BDNF: variants seen among roughly 807,000 people sequenced by gnomAD.
BDNF encodes the protein neurotrophic factor BDNF precursor form.
Under a neutral mutation model 19.5 loss-of-function variants are expected in BDNF, and 1 was observed. The ratio of observed to expected loss-of-function variants is 0.05; its 90% CI spans 0.02 to 0.24. The LOEUF is 0.24. BDNF is among the 10% of genes least tolerant of loss of function. The probability of loss-of-function intolerance (pLI) is 1.00; values close to 1 mark genes in which losing one functional copy is unlikely to be tolerated. For synonymous variants in BDNF, 100 were observed against 121.6 expected (o/e 0.82, Z 1.17); for missense variants, 195 against 317.6 (o/e 0.61, Z 2.93).
At chr11:27,701,760 ATCTTTT>A, upstream of BDNF, 1 of 342,542 alleles carries the variant, frequency 2.9e-6, no homozygotes, top group Non-Finnish European at 4.1e-6. Context: ...AAAATGATAC[ATCTTTT>A]ATTAGAAGAG....
At chr11:27,680,918 CAG>C (rs1856761109) in intron 1 of BDNF, among the ~76,000 whole-genome samples, 1 of 152,140 alleles carries the variant, frequency 6.6e-6, no homozygotes, top group East Asian at 1.9e-4. Flanking sequence ...AATCAAAATA[CAG>C]GGTCAGCCTC....
intron 1 of BDNF, among the ~76,000 whole-genome samples, chr11:27,718,991 C>T (rs2134116437): frequency 6.6e-6 from 1 of 152,232 alleles, no homozygotes; most frequent in South Asian, 2.1e-4. Flanking sequence ...GAACAAAAGG[C>T]CTGAGAAGGG....
chr11:27,701,336 C>T, upstream of BDNF: 2 of 1,094,220 alleles, frequency 1.8e-6, no homozygotes, highest in Non-Finnish European at 2.2e-6. Flanking sequence ...ATCAAGGCAG[C>T]TGCTCCGGGA....
chr11:27,709,225 G>A (rs545211962), intron 1 of BDNF, among the ~76,000 whole-genome samples: 7 of 152,128 alleles, frequency 4.6e-5, no homozygotes, highest in South Asian at 2.1e-4. Flanking sequence ...GAATTTTGTC[G>A]CTGAAAATCA....
Position 27,719,477 on chromosome 11 carries a change from C to T in BDNF, c.3+1935G>A, listed in dbSNP as rs914242698. On this transcript the variant is annotated intron_variant, in intron 1 of 1. Coordinates refer to the BDNF transcript ENST00000314915. ...GACCTTCTACTCCCAGGCGGAGGCT[C>T]CCCTTTCCCTGAGTTACCCCGACTG... 1.7e-5 allele frequency: 17 copies of T among 985,402 alleles called. No homozygotes were observed. In the Admixed American group the frequency reaches 2.5e-4, roughly 14 times the overall value. 61.0% of individuals were successfully genotyped at this position (985,402 alleles called of 1,614,324 possible).
At position 27,700,154 on chromosome 11, in the gene BDNF, G is replaced by T. The variant is rs1859735143; in HGVS notation, c.-22+10C>A. 3.0e-6 allele frequency: 3 copies of T among 985,790 alleles called. No individual in the cohort carries two copies. The highest frequency in any genetic ancestry group is 3.6e-6 in the Non-Finnish European group (3 of 830,286). 61.1% of individuals were successfully genotyped at this position (985,790 alleles called of 1,614,324 possible). Reference sequence around the variant, plus strand: ...TCCTGCACCAAGCCCCATTCCCAGCGCTTGCCTACCTCGGGGTCCACACAA... The same window carrying T: ...TCCTGCACCAAGCCCCATTCCCAGCTCTTGCCTACCTCGGGGTCCACACAA... On this transcript the variant is annotated intron_variant, in intron 1 of 1. Transcript: ENST00000356660.
chr11:27,700,520 G>GCCCCCCCCCCCCCCCCCCCCC (rs67192910), upstream of BDNF: 1 of 685,732 alleles, frequency 1.5e-6, no homozygotes, highest in African/African-American at 3.2e-5. Context: ...AAACGGCGCC[G>GCCCCCCCCCCCCCCCCCCCCC]CCCCCCCCCC....
chr11:27,714,939 AG>A (rs554421668), intron 1 of BDNF, among the ~76,000 whole-genome samples: 108 of 152,292 alleles, frequency 7.1e-4, no homozygotes, highest in Admixed American at 1.6e-3. Context: ...TCTTGAAAAA[AG>A]GAATCTTATG....
intron 1 of BDNF, chr11:27,719,422 G>T: frequency 1.0e-6 from 1 of 981,754 alleles, no homozygotes; most frequent in East Asian, 1.1e-4. Context: ...CCCTCGCCCG[G>T]CCCGCTCTCT....
rs12790077 is a variant in BDNF at position 27,672,946 on chromosome 11, A to T, written c.-21-14361T>A. On this transcript the variant is annotated intron_variant, in intron 1 of 1. Coordinates refer to ENST00000356660, the MANE Select transcript of BDNF (RefSeq NM_001709.5). ...GGTTGTTTGTTTCCAAACACCAAGA[A>T]GTCACCAAGTTCACCAGTCCAAATG... 6.3e-3 allele frequency among the ~76,000 whole-genome samples: 966 copies of T among 152,270 alleles called. 2 individuals are homozygous for T. The highest frequency in any genetic ancestry group is 0.017 in the Middle Eastern group (5 of 294).
At chr11:27,701,615 G>C (rs1351717408), upstream of BDNF, 6 of 986,466 alleles carry the variant, frequency 6.1e-6, no homozygotes, top group Non-Finnish European at 6.0e-6. Flanking sequence ...CCCTCTCCGC[G>C]GTGAATGGGA....
chr11:27,664,799 T>C (rs1854045414), intron 1 of BDNF, among the ~76,000 whole-genome samples: 1 of 152,042 alleles, frequency 6.6e-6, no homozygotes, highest in South Asian at 2.1e-4. Flanking sequence ...GCAACTGTTT[T>C]GCTGTAATCA....
At chr11:27,714,979 T>C (rs924953066) in intron 1 of BDNF, among the ~76,000 whole-genome samples, 2 of 152,256 alleles carry the variant, frequency 1.3e-5, no homozygotes, top group South Asian at 2.1e-4. Flanking sequence ...CTTCTAAGGA[T>C]TGGAGCAAAT....
At chr11:27,711,154 T>G (rs1405454174) in intron 1 of BDNF, among the ~76,000 whole-genome samples, 2 of 152,230 alleles carry the variant, frequency 1.3e-5, no homozygotes, top group African/African-American at 4.8e-5. Flanking sequence ...TAATTTAAGA[T>G]AGTTAATTAA....
intron 1 of BDNF, among the ~76,000 whole-genome samples, chr11:27,661,543 G>A (rs1214221497): frequency 1.3e-5 from 2 of 152,022 alleles, no homozygotes; most frequent in African/African-American, 4.8e-5. Context: ...ACAACGTCCC[G>A]ATGCTGTATC....
In BDNF at chr11:27,712,672, C is replaced by T. The variant is rs183645689; in HGVS notation, c.3+8740G>A. Among the ~76,000 whole-genome samples, 8 of 151,976 alleles carry T rather than the reference C, an allele frequency of 5.3e-5. No homozygotes were observed. In the East Asian group the frequency reaches 7.8e-4, roughly 15 times the overall value. On this transcript the variant is annotated intron_variant, in intron 1 of 1. Transcript: ENST00000314915. Reference sequence around the variant, plus strand: ...CTGGGATTAAAGGTACATGCCACCACGCCCAGCTAATTTTTTTTTTTTGGT... The same window carrying T: ...CTGGGATTAAAGGTACATGCCACCATGCCCAGCTAATTTTTTTTTTTTGGT...
chr11:27,658,313 A>G lies in BDNF; in HGVS notation c.252T>C (p.Asn84=). Reference sequence around the variant, plus strand: ...TGGACGTGTACAAGTCTGCGTCCTTATTGTTTTCTTCATTGGGCCGAACTT... The same window carrying G: ...TGGACGTGTACAAGTCTGCGTCCTTGTTGTTTTCTTCATTGGGCCGAACTT... ...DQKVRPNEEN[N]KDADLYTSRV... The change falls in exon 2 of 2, where the codon AAT becomes AAC. Residue 84 remains asparagine, a synonymous_variant. Coordinates refer to ENST00000356660, the MANE Select transcript of BDNF (RefSeq NM_001709.5). This position sits in a 1 kb window ranked among gnomAD's most constrained non-coding sequence, Gnocchi z 5.7. 6.2e-7 allele frequency: 1 copy of G among 1,614,080 alleles called. No homozygotes were observed. The highest frequency in any genetic ancestry group is 1.3e-5 in the African/African-American group (1 of 75,020).
intron 1 of BDNF, among the ~76,000 whole-genome samples, chr11:27,685,516 G>C (rs912551230): frequency 2.0e-5 from 3 of 152,072 alleles, no homozygotes; most frequent in Admixed American, 2.0e-4. Flanking sequence ...GCTCTTTCCT[G>C]CTTTCTCCTG....
exon 1 of BDNF, chr11:27,721,455 T>C (rs1352970963): frequency 6.2e-7 from 1 of 1,612,580 alleles, no homozygotes; most frequent in Non-Finnish European, 8.5e-7. Context: ...TCTTAAAATC[T>C]CGTCTCCCCA....
Sources: allele counts gnomAD v4.1 joint callset (sites outside exome capture counted in the v4.1 genomes callset), GRCh38; gene constraint gnomAD v4.1.1; non-coding constraint Gnocchi (gnomAD v3.1); transcripts MANE v1.5; gene names NCBI Gene and HGNC (gene_info 2026-07-23, HGNC 2026-07-21).